KCNAB1: variants seen among roughly 807,000 people sequenced by gnomAD.
The protein encoded by KCNAB1 is potassium voltage-gated channel subfamily A regulatory beta subunit 1.
Under a neutral mutation model 64.6 loss-of-function variants are expected in KCNAB1, and 35 were observed. The ratio of observed to expected loss-of-function variants is 0.54; its 90% CI spans 0.41 to 0.72. KCNAB1 has a LOEUF of 0.72. Ranked by LOEUF, KCNAB1 falls within the 30% of genes least tolerant of loss-of-function variation. The pLI is 0.00. For synonymous variants in KCNAB1, 177 were observed against 183.8 expected (o/e 0.96, Z 0.30); for missense variants, 401 against 512.9 (o/e 0.78, Z 2.11).
intron 11 of KCNAB1, among the ~76,000 whole-genome samples, 165 bp downstream of exon 11, chr3:156,516,529 C>T (rs1717578224): frequency 6.6e-6 from 1 of 152,218 alleles, no homozygotes; most frequent in African/African-American, 2.4e-5. Context: ...GGTCTTGGCT[C>T]CTGGCCAGGT....
At chr3:156,511,604 A>G (rs1049161741) in intron 8 of KCNAB1, among the ~76,000 whole-genome samples, 2 of 152,070 alleles carry the variant, frequency 1.3e-5, no homozygotes, top group African/African-American at 4.8e-5. Flanking sequence ...TCTGCCTTCA[A>G]CATCTATTTT....
chr3:156,431,198 G>A (rs1716187438), intron 2 of KCNAB1, among the ~76,000 whole-genome samples: 1 of 152,166 alleles, frequency 6.6e-6, no homozygotes, highest in Admixed American at 6.5e-5. Flanking sequence ...CATAGTTCCT[G>A]TACTCTAAGC....
intron 1 of KCNAB1, among the ~76,000 whole-genome samples, chr3:156,304,149 A>C (rs1215918161): frequency 6.6e-6 from 1 of 152,230 alleles, no homozygotes; most frequent in Non-Finnish European, 1.5e-5. Context: ...GTTAGTATTC[A>C]TGTTAAGGAT....
intron 2 of KCNAB1, among the ~76,000 whole-genome samples, chr3:156,422,597 G>A (rs1715535600): frequency 6.6e-6 from 1 of 152,088 alleles, no homozygotes; most frequent in Non-Finnish European, 1.5e-5. Context: ...GATTGATTTG[G>A]GACATACTAA....
At chr3:156,170,609 A>G (rs369924377) in intron 1 of KCNAB1, among the ~76,000 whole-genome samples, 10 of 152,196 alleles carry the variant, frequency 6.6e-5, no homozygotes, top group African/African-American at 2.4e-4. Context: ...TTTGCAGTGC[A>G]TGGTTCAGCC....
chr3:156,225,147 T>G (rs904930781), intron 1 of KCNAB1, among the ~76,000 whole-genome samples: 4 of 152,138 alleles, frequency 2.6e-5, no homozygotes, highest in African/African-American at 9.7e-5. Context: ...ATATCCCTGA[T>G]GAACACAGAT....
chr3:156,383,343 G>T (rs1190371783), intron 1 of KCNAB1, among the ~76,000 whole-genome samples: 1 of 152,176 alleles, frequency 6.6e-6, no homozygotes, highest in African/African-American at 2.4e-5. Flanking sequence ...TGGGTAATCT[G>T]CTTCAGGGGT....
At chr3:156,144,722 G>A (rs62284940) in intron 1 of KCNAB1, among the ~76,000 whole-genome samples, 22 of 152,288 alleles carry the variant, frequency 1.4e-4, no homozygotes, top group African/African-American at 3.6e-4. Context: ...CAGATCGGGC[G>A]AAGGGGAAGA....
At chr3:156,147,953 ACACACACG>A (rs374898910) in intron 1 of KCNAB1, among the ~76,000 whole-genome samples, 112 of 139,098 alleles carry the variant, frequency 8.1e-4, no homozygotes, top group African/African-American at 3.1e-3. Flanking sequence ...ACACACACAC[ACACACACG>A]CACGCACACG....
At chr3:156,273,122 T>G (rs1331982726) in intron 1 of KCNAB1, among the ~76,000 whole-genome samples, 3 of 133,492 alleles carry the variant, frequency 2.2e-5, no homozygotes, top group African/African-American at 3.1e-5. Context: ...TCTCCTCTCC[T>G]CAAGTGAAAA....
intron 1 of KCNAB1, among the ~76,000 whole-genome samples, chr3:156,326,172 C>T (rs1381873921): frequency 2.6e-5 from 4 of 152,070 alleles, no homozygotes; most frequent in African/African-American, 9.7e-5. Flanking sequence ...TCTTCTTTCC[C>T]GTATTTTTGC....
intron 12 of KCNAB1, among the ~76,000 whole-genome samples, chr3:156,526,346 T>C (rs2108415099): frequency 6.6e-6 from 1 of 152,344 alleles, no homozygotes; most frequent in Middle Eastern, 3.4e-3. Flanking sequence ...TTTTAAATTT[T>C]CTAGTGACCA....
intron 1 of KCNAB1, among the ~76,000 whole-genome samples, chr3:156,319,428 A>G (rs1196191620): frequency 6.6e-6 from 1 of 152,222 alleles, no homozygotes; most frequent in Non-Finnish European, 1.5e-5. Flanking sequence ...GGCAAATGGT[A>G]CACTGGCTGT....
At chr3:156,266,672 C>T (rs183376681) in intron 1 of KCNAB1, among the ~76,000 whole-genome samples, 36 of 152,266 alleles carry the variant, frequency 2.4e-4, no homozygotes, top group Admixed American at 1.6e-3. Context: ...TTATTGCTGT[C>T]CTTAGTGGAT....
chr3:156,189,924 C>T (rs532500166), intron 1 of KCNAB1, among the ~76,000 whole-genome samples: 284 of 152,270 alleles, frequency 1.9e-3, no homozygotes, highest in Non-Finnish European at 3.3e-3. Context: ...TTCTGATACC[C>T]ATGCTGAATT....
rs541176379 is a variant in KCNAB1 at position 156,473,339 on chromosome 3, G to A, written c.572-1395G>A. ...CTAGCATGCTAGAGTGCAGATTTCC[G>A]ACCTTTCAAACCTTGTGATACCCTG... On this transcript the variant is annotated intron_variant, in intron 7 of 13. Transcript: ENST00000490337. Among the ~76,000 whole-genome samples the A allele has an allele frequency of 7.2e-5, 11 of 152,244 alleles. No homozygotes were observed. The East Asian group carries it at 9.6e-4, about 13-fold the overall frequency.
chr3:156,295,812 AT>A (rs144755503), intron 1 of KCNAB1, among the ~76,000 whole-genome samples: 164 of 152,310 alleles, frequency 1.1e-3, no homozygotes, highest in Middle Eastern at 3.4e-3. Context: ...AAGTCAGGGT[AT>A]TTAGGGTACA....
chr3:156,287,835 T>C (rs1720184106), intron 1 of KCNAB1, among the ~76,000 whole-genome samples: 1 of 151,516 alleles, frequency 6.6e-6, no homozygotes, highest in African/African-American at 2.4e-5. Flanking sequence ...ACTTTGTATA[T>C]AGGTTGCATA....
intron 1 of KCNAB1, among the ~76,000 whole-genome samples, chr3:156,282,141 G>A (rs1246073150): frequency 8.2e-5 from 12 of 145,520 alleles, no homozygotes; most frequent in South Asian, 2.3e-4. Context: ...CTTTGAATGC[G>A]TCCCAGAGAT....
Sources: allele counts gnomAD v4.1 joint callset (sites outside exome capture counted in the v4.1 genomes callset), GRCh38; gene constraint gnomAD v4.1.1; transcripts MANE v1.5; gene names NCBI Gene and HGNC (gene_info 2026-07-23, HGNC 2026-07-21).